Variants in CGNL1 observed in about 807,000 individuals in gnomAD.
CGNL1 encodes cingulin like 1.
In CGNL1, 132 loss-of-function variants were observed where a neutral mutation model predicts 141.2. The observed-to-expected ratio is 0.93, with a 90% CI of 0.81 to 1.08. The LOEUF (loss-of-function observed/expected upper bound fraction) is 1.08. Ranked by LOEUF, CGNL1 falls within the 50% of genes least tolerant of loss-of-function variation. The pLI is 0.00. For synonymous variants in CGNL1, 690 were observed against 622.1 expected (o/e 1.11, Z -1.63); for missense variants, 1,870 against 1,588.6 (o/e 1.18, Z -3.01).
At position 57,438,488 on chromosome 15, in the gene CGNL1, T is replaced by A. The variant is rs1373461429; in HGVS notation, c.489T>A (p.Asn163Lys). ...ATGACCCTGAAAAGAATGAGTTGAA[T>A]TTACAAAATCACCAGCCTTCTGAGA... ...QPYDPEKNEL[N>K]LQNHQPSESN... Residue 163 changes from asparagine to lysine, a missense_variant, in exon 2 of 19, where the codon AAT (asparagine) becomes AAA (lysine). Asn to Lys is a moderately conservative substitution (Grantham distance 94). Coordinates refer to ENST00000281282, the MANE Select transcript of CGNL1 (RefSeq NM_032866.5). 1.2e-6 allele frequency: 2 copies of A among 1,614,138 alleles called. No homozygotes were observed. Among genetic ancestry groups the A allele is most frequent in the Non-Finnish European group, 1.7e-6 (2 of 1,180,028 alleles).
chr15:57,386,338 C>T (rs1479343957), intron 1 of CGNL1, among the ~76,000 whole-genome samples: 4 of 152,188 alleles, frequency 2.6e-5, no homozygotes, highest in African/African-American at 9.7e-5. Flanking sequence ...CGTCATGTTG[C>T]TCTGACTCTG....
intron 8 of CGNL1, among the ~76,000 whole-genome samples, chr15:57,516,238 A>G (rs1199191661): frequency 6.6e-6 from 1 of 151,948 alleles, no homozygotes; most frequent in Non-Finnish European, 1.5e-5. Flanking sequence ...CATGTCAGAA[A>G]GCGAGGGTTA....
At position 57,474,660 on chromosome 15, in the gene CGNL1, C is replaced by T. The variant is rs952438301; in HGVS notation, c.2403+12768C>T. ...TAGTCTTTCTCTGTTTTTATTTCCT[C>T]TCTTGTAAAGGGATACTATTTGTGT... On this transcript the variant is annotated intron_variant, in intron 8 of 18. Coordinates refer to ENST00000281282, the MANE Select transcript of CGNL1 (RefSeq NM_032866.5). 2.0e-5 allele frequency among the ~76,000 whole-genome samples: 3 copies of T among 152,268 alleles called. No homozygotes were observed. The East Asian group carries it at 5.8e-4, about 29-fold the overall frequency.
intron 8 of CGNL1, among the ~76,000 whole-genome samples, chr15:57,464,670 T>TTTTCCTTTCC (rs200160698): frequency 0.13 from 13,991 of 111,486 alleles, 1,104 homozygotes; most frequent in Non-Finnish European, 0.14. Flanking sequence ...CTGCGGTTTC[T>TTTTCCTTTCC]TTTCCTTTCC....
intron 8 of CGNL1, among the ~76,000 whole-genome samples, chr15:57,474,521 A>G (rs1194912704): frequency 6.6e-6 from 1 of 152,084 alleles, no homozygotes; most frequent in African/African-American, 2.4e-5. Context: ...AATGCCCTGT[A>G]TTTGCTGTAT....
chr15:57,505,713 G>A (rs879903853), intron 8 of CGNL1, among the ~76,000 whole-genome samples: 2 of 152,040 alleles, frequency 1.3e-5, no homozygotes, highest in African/African-American at 2.4e-5. Context: ...GCTTAGCATC[G>A]CTCCTGTGGC....
At chr15:57,480,091 A>G (rs28496565) in intron 8 of CGNL1, among the ~76,000 whole-genome samples, 3,987 of 152,284 alleles carry the variant, frequency 0.026, 167 homozygotes, top group African/African-American at 0.09. Flanking sequence ...TGGTTACTAA[A>G]TAAGTGACTT....
intron 8 of CGNL1, among the ~76,000 whole-genome samples, chr15:57,472,506 G>T: frequency 6.6e-6 from 1 of 152,194 alleles, no homozygotes; most frequent in Non-Finnish European, 1.5e-5. Context: ...CCATGGAAAA[G>T]TGCCTGCTCT....
intron 1 of CGNL1, among the ~76,000 whole-genome samples, chr15:57,386,328 C>A (rs368649020): frequency 6.6e-6 from 1 of 152,186 alleles, no homozygotes; most frequent in Non-Finnish European, 1.5e-5. Flanking sequence ...CCTCCCATCT[C>A]GTCATGTTGC....
At chr15:57,538,563 C>A (rs1327798816) in intron 14 of CGNL1, among the ~76,000 whole-genome samples, 1 of 152,146 alleles carries the variant, frequency 6.6e-6, no homozygotes, top group African/African-American at 2.4e-5. Flanking sequence ...GGGGATGCTG[C>A]CATGCTAAGT....
intron 9 of CGNL1, 66 bp from the exon 10 acceptor site, chr15:57,518,327 C>T: frequency 8.4e-7 from 1 of 1,187,760 alleles, no homozygotes; most frequent in South Asian, 1.3e-5. Flanking sequence ...TCATTTAATT[C>T]CATTGAGTCA....
chr15:57,449,750 G>T (rs780274865), intron 4 of CGNL1, among the ~76,000 whole-genome samples: 1 of 152,130 alleles, frequency 6.6e-6, no homozygotes, highest in African/African-American at 2.4e-5. Flanking sequence ...CTGGCAACCC[G>T]TAATCTTTTT....
intron 8 of CGNL1, among the ~76,000 whole-genome samples, chr15:57,509,441 G>A (rs1325729754): frequency 6.6e-6 from 1 of 152,232 alleles, no homozygotes; most frequent in Non-Finnish European, 1.5e-5. Flanking sequence ...CAAGCAGGAG[G>A]CTCTTGGCCT....
chr15:57,458,762 C>T (rs1473461110), intron 7 of CGNL1, among the ~76,000 whole-genome samples: 1 of 152,192 alleles, frequency 6.6e-6, no homozygotes, highest in African/African-American at 2.4e-5. Context: ...GCAGCGGCAG[C>T]AGGGCGTCCT....
At chr15:57,430,423 G>A (rs1198910664) in intron 1 of CGNL1, among the ~76,000 whole-genome samples, 4 of 152,102 alleles carry the variant, frequency 2.6e-5, no homozygotes, top group Non-Finnish European at 2.9e-5. Flanking sequence ...TTTGGGACAT[G>A]AATTCTGTAT....
intron 8 of CGNL1, among the ~76,000 whole-genome samples, chr15:57,506,203 A>G (rs1437155336): frequency 6.6e-6 from 1 of 152,160 alleles, no homozygotes; most frequent in African/African-American, 2.4e-5. Context: ...CCACCCCCCA[A>G]TATTTTCCTA....
At chr15:57,435,325 C>T (rs1024388453) in intron 1 of CGNL1, among the ~76,000 whole-genome samples, 3 of 151,090 alleles carry the variant, frequency 2.0e-5, no homozygotes, top group Non-Finnish European at 4.4e-5. Context: ...CTATGTAGAA[C>T]CAATAAGTTA....
intron 13 of CGNL1, 62 bp downstream of exon 13, chr15:57,528,877 A>G: frequency 6.5e-7 from 1 of 1,542,044 alleles, no homozygotes; most frequent in Admixed American, 1.9e-5. Flanking sequence ...GCCACGAGAG[A>G]AGCAGCCTCT....
At chr15:57,381,498 C>T (rs2062424343) in intron 1 of CGNL1, among the ~76,000 whole-genome samples, 2 of 152,106 alleles carry the variant, frequency 1.3e-5, no homozygotes, top group Non-Finnish European at 2.9e-5. Flanking sequence ...GAGGTTGAGG[C>T]TGCGGTGAAC....
Sources: gnomAD v4.1 joint callset for allele counts (sites outside exome capture counted in the v4.1 genomes callset) on GRCh38, gnomAD v4.1.1 for gene constraint, MANE v1.5 for transcripts, NCBI Gene and HGNC (gene_info 2026-07-23, HGNC 2026-07-21) for gene names.